Variants in HIVEP3 observed in about 807,000 individuals in gnomAD.
HIVEP3 encodes HIVEP zinc finger 3.
Under a neutral mutation model 152.8 loss-of-function variants are expected in HIVEP3, and 49 were observed. The ratio of observed to expected loss-of-function variants is 0.32; its 90% CI spans 0.26 to 0.41. The LOEUF (loss-of-function observed/expected upper bound fraction) is 0.41. Ranked by LOEUF, HIVEP3 falls within the 10% of genes least tolerant of loss-of-function variation. The pLI is 1.00. For synonymous variants in HIVEP3, 1,269 were observed against 1,289.0 expected, an observed-to-expected ratio of 0.98 and a Z score of 0.33; for missense variants, 2,790 against 3,103.3, an observed-to-expected ratio of 0.90 and a Z score of 2.40.
chr1:41,794,042 T>C (rs1459922982), intron 1 of HIVEP3, among the ~76,000 whole-genome samples: 2 of 152,216 alleles, frequency 1.3e-5, no homozygotes. Flanking sequence ...AGCATCCTTG[T>C]AAGTAATCCT....
chr1:41,775,040 C>T (rs1243623359), intron 1 of HIVEP3, among the ~76,000 whole-genome samples: 3 of 151,978 alleles, frequency 2.0e-5, no homozygotes, highest in Non-Finnish European at 4.4e-5. Flanking sequence ...TGGGCTCAAG[C>T]AATCCTCCCT....
At chr1:42,023,954 C>T (rs924949838) in intron 1 of HIVEP3, among the ~76,000 whole-genome samples, 1 of 152,170 alleles carries the variant, frequency 6.6e-6, no homozygotes, top group African/African-American at 2.4e-5. Flanking sequence ...GTGTCTCCTT[C>T]GTAATAAATC....
At chr1:41,673,063 A>C (rs185225462) in intron 2 of HIVEP3, among the ~76,000 whole-genome samples, 10 of 152,350 alleles carry the variant, frequency 6.6e-5, no homozygotes, top group Admixed American at 5.9e-4. Flanking sequence ...TATTTGAAAA[A>C]TACGGCACAG....
At chr1:41,903,905 T>C (rs2764837) in intron 1 of HIVEP3, among the ~76,000 whole-genome samples, 25,128 of 115,994 alleles carry the variant, frequency 0.22, 1,964 homozygotes, top group African/African-American at 0.34. Context: ...TTTTTTTTTC[T>C]TTTTTTTTTT....
intron 1 of HIVEP3, among the ~76,000 whole-genome samples, chr1:41,971,494 G>A (rs1291836605): frequency 6.6e-6 from 1 of 152,068 alleles, no homozygotes; most frequent in East Asian, 1.9e-4. Context: ...TCATGTCAAG[G>A]TACACACAGA....
At chr1:41,762,966 C>T (rs1011831751) in intron 1 of HIVEP3, among the ~76,000 whole-genome samples, 3 of 152,170 alleles carry the variant, frequency 2.0e-5, no homozygotes, top group African/African-American at 7.2e-5. Context: ...CATGTGCAGC[C>T]AGGTCTGGGC....
intron 1 of HIVEP3, among the ~76,000 whole-genome samples, chr1:41,914,853 G>A (rs1452933782): frequency 1.3e-5 from 2 of 152,172 alleles, no homozygotes; most frequent in South Asian, 2.1e-4. Context: ...CAGAATTAAA[G>A]TCATCAAGTT....
At position 41,510,471 on chromosome 1, in the gene HIVEP3, T is replaced by C. The variant is rs1644433670; in HGVS notation, c.7201A>G (p.Arg2401Gly). The C allele has an allele frequency of 1.3e-6, 2 of 1,528,124 alleles. No individual in the cohort carries two copies. The highest frequency in any genetic ancestry group is 4.7e-5 in the East Asian group (2 of 42,182). 94.7% of individuals were successfully genotyped at this position (1,528,124 alleles called of 1,614,324 possible). ...AGAGGCTAAGCGTTGGGGGGAACCC[T>C]GTCCTCAGGCTGATGTGGATGTGCC... ...PRAHPHQPEDRVPPNA is the reference protein window; with the variant it reads ...PRAHPHQPEDGVPPNA The change falls in exon 9 of 9, where the codon AGG (arginine) becomes GGG (glycine). Residue 2401 changes from arginine to glycine, a missense_variant. Around this residue, in one of 9 missense-constraint regions of HIVEP3, gnomAD observed 816 missense variants for 806.5 expected, o/e 1.01. Coordinates refer to ENST00000372583, the MANE Select transcript of HIVEP3 (RefSeq NM_024503.5).
At chr1:41,695,244 T>C (rs918730303) in intron 2 of HIVEP3, among the ~76,000 whole-genome samples, 1 of 152,148 alleles carries the variant, frequency 6.6e-6, no homozygotes, top group Non-Finnish European at 1.5e-5. Context: ...AGTACCTATC[T>C]GGAGATGGCC....
chr1:41,581,532 G>A lies in HIVEP3; in HGVS notation c.3266C>T (p.Ser1089Phe). 2 of 1,596,284 alleles carry A rather than the reference G, an allele frequency of 1.3e-6. No homozygotes were observed. Among genetic ancestry groups the A allele is most frequent in the Non-Finnish European group, 1.7e-6 (2 of 1,171,282 alleles). ...PSAKSSLSQI[S>F]SAATSHGGPP... ...TCCACCATGTGAGGTGGCCGCAGAG[G>A]AAATCTGGGACAATGAGCTTTTGGC... is the stretch of plus-strand genomic sequence containing the variant. Residue 1089 changes from serine (S) to phenylalanine (F), a missense_variant, in exon 4 of 9, where the codon TCC (serine) becomes TTC (phenylalanine). By Grantham distance (155) the Ser-to-Phe change is radical. Around this residue, in one of 9 missense-constraint regions of HIVEP3, gnomAD observed 1,078 missense variants for 1,165.3 expected, o/e 0.93. Transcript: ENST00000372583. The surrounding 1 kb of genome is among the most constrained non-coding windows in gnomAD (Gnocchi z 4.5).
At chr1:41,913,368 T>A (rs1341756404) in intron 1 of HIVEP3, among the ~76,000 whole-genome samples, 2 of 152,188 alleles carry the variant, frequency 1.3e-5, no homozygotes, top group Admixed American at 6.5e-5. Context: ...TCTATTTAAA[T>A]CCAATCAATT....
chr1:41,846,939 C>CT (rs368384953), intron 1 of HIVEP3, among the ~76,000 whole-genome samples: 5 of 152,326 alleles, frequency 3.3e-5, no homozygotes, highest in African/African-American at 9.6e-5. Flanking sequence ...TCACTGCCTG[C>CT]TCACCTCAGT....
Position 41,918,088 on chromosome 1 carries a change from G to A in HIVEP3, c.-801+325C>T, listed in dbSNP as rs1027194583. 1.3e-5 allele frequency among the ~76,000 whole-genome samples: 2 copies of A among 152,148 alleles called. No individual in the cohort carries two copies. Among genetic ancestry groups the A allele is most frequent in the African/African-American group, 4.8e-5 (2 of 41,450 alleles). ...GCTGCAAGCAGCGCTGGAGCGCACG[G>A]CGCGCATAGGGTTACAGCCCCGCCG... On this transcript the variant is annotated intron_variant, in intron 1 of 8. Coordinates refer to ENST00000372583, the MANE Select transcript of HIVEP3 (RefSeq NM_024503.5). This position sits in a 1 kb window ranked among gnomAD's most constrained non-coding sequence, Gnocchi z 4.3.
chr1:41,874,232 T>C (rs992402516), intron 1 of HIVEP3, among the ~76,000 whole-genome samples: 1 of 152,180 alleles, frequency 6.6e-6, no homozygotes, highest in African/African-American at 2.4e-5. Context: ...TTCACTGGGT[T>C]TTTAAAAGGA....
At position 41,579,776 on chromosome 1, in the gene HIVEP3, C is replaced by T; in HGVS notation, c.5022G>A (p.Arg1674=). Residue 1674 remains arginine (R), a synonymous_variant, in exon 4 of 9, where the codon AGG becomes AGA. Coordinates refer to ENST00000372583, the MANE Select transcript of HIVEP3 (RefSeq NM_024503.5). The stretch of plus-strand genomic sequence containing the variant: ...GCTTGCGGGAGCTGGATGGCACAAG[C>T]CTTCCTGCCTCAGGATGCGGAGCTG... ...MATAPHPEAG[R]LVPSSSRKPR... The T allele has an allele frequency of 6.2e-7, 1 of 1,600,692 alleles. No homozygotes were observed. The highest frequency in any genetic ancestry group is 1.1e-5 in the South Asian group (1 of 90,172).
At chr1:41,528,394 C>T (rs1434929139) in intron 5 of HIVEP3, among the ~76,000 whole-genome samples, 2 of 132,628 alleles carry the variant, frequency 1.5e-5, no homozygotes, top group African/African-American at 5.8e-5. Flanking sequence ...GTCCACACGC[C>T]CACCCTCACC....
chr1:41,943,965 C>A (rs1449274726), intron 1 of HIVEP3, among the ~76,000 whole-genome samples: 1 of 152,216 alleles, frequency 6.6e-6, no homozygotes, highest in African/African-American at 2.4e-5. Context: ...CTGACACATG[C>A]TACTACACAG....
intron 1 of HIVEP3, among the ~76,000 whole-genome samples, chr1:41,856,280 T>G (rs1342519200): frequency 6.6e-6 from 1 of 151,872 alleles, no homozygotes; most frequent in Non-Finnish European, 1.5e-5. Flanking sequence ...AATGAACAAA[T>G]GAATGAAGGA....
chr1:41,514,510 C>T (rs60873330), intron 7 of HIVEP3, among the ~76,000 whole-genome samples: 3,391 of 152,270 alleles, frequency 0.022, 130 homozygotes, highest in African/African-American at 0.078. Context: ...GGACTCTGGC[C>T]TCTGTGGGCG....
Sources: gnomAD v4.1 joint callset for allele counts (sites outside exome capture counted in the v4.1 genomes callset) on GRCh38, gnomAD v4.1.1 for gene constraint, gnomAD v4.1.1 regional missense constraint, Gnocchi (gnomAD v3.1) non-coding constraint, MANE v1.5 for transcripts, NCBI Gene and HGNC (gene_info 2026-07-23, HGNC 2026-07-21) for gene names.